The following TM7SF3 variants were observed in gnomAD, a reference collection of about 807,000 sequenced individuals.
TM7SF3 encodes transmembrane 7 superfamily member 3.
TM7SF3 carries 60 observed loss-of-function variants against 65.5 expected under a neutral mutation model. The observed-to-expected ratio is 0.92, with a 90% confidence interval of 0.74 to 1.14. The LOEUF (loss-of-function observed/expected upper bound fraction) is 1.14, where lower values mean the gene tolerates loss of function less well. TM7SF3 is among the 50% of genes most tolerant of loss of function. The pLI is 0.00. For missense variants in TM7SF3, 623 were observed against 684.8 expected (o/e 0.91, Z 1.01); for synonymous variants, 264 against 259.6 (o/e 1.02, Z -0.16).
intron 7 of TM7SF3, among the ~76,000 whole-genome samples, chr12:26,981,437 G>A (rs1022342992): frequency 6.6e-6 from 1 of 151,850 alleles, no homozygotes; most frequent in Non-Finnish European, 1.5e-5. Flanking sequence ...AGGCTGTAGT[G>A]CACTATAATT....
intron 1 of TM7SF3, among the ~76,000 whole-genome samples, chr12:27,005,199 T>A (rs1940983667): frequency 2.0e-5 from 3 of 152,212 alleles, no homozygotes; most frequent in African/African-American, 7.2e-5. Flanking sequence ...CCCACCCGTA[T>A]TGGCAGTATC....
Position 26,979,410 on chromosome 12 carries a change from A to G in TM7SF3, c.1189+374T>C, listed in dbSNP as rs536507647. 104 of 191,508 alleles carry G rather than the reference A, an allele frequency of 5.4e-4. 3 individuals carry two copies. The South Asian group carries it at 0.012, about 22-fold the overall frequency. The allele number at this position is 191,508 out of a possible 1,614,324, so 11.9% of individuals were successfully genotyped here. ...AGGGACACCTGGGGTTTGGCAGCGG[A>G]TGGGAGTGGAGGTTGAGGGTACAAC... On this transcript the variant is annotated intron_variant, in intron 9 of 11. Transcript: ENST00000343028.
chr12:26,985,211 A>G (rs1247965827), intron 6 of TM7SF3, among the ~76,000 whole-genome samples: 2 of 152,148 alleles, frequency 1.3e-5, no homozygotes, highest in Non-Finnish European at 2.9e-5. Flanking sequence ...GGTTAAAAAT[A>G]TATGGCCAGG....
chr12:26,979,654 C>T (rs976839143), intron 9 of TM7SF3, 130 bp downstream of exon 9: 1 of 1,007,092 alleles, frequency 9.9e-7, no homozygotes, highest in Non-Finnish European at 1.5e-6. Flanking sequence ...AGTGTCACAC[C>T]ATCAATGCAG....
At chr12:26,991,036 C>T (rs1411963725) in intron 5 of TM7SF3, among the ~76,000 whole-genome samples, 2 of 151,964 alleles carry the variant, frequency 1.3e-5, no homozygotes, top group Non-Finnish European at 2.9e-5. Context: ...CACAGACTAA[C>T]GCAGACAGTC....
chr12:26,999,481 T>C, intron 3 of TM7SF3, 45 bp downstream of exon 3: 4 of 1,584,154 alleles, frequency 2.5e-6, no homozygotes, highest in Non-Finnish European at 2.6e-6. Context: ...ATGAACACAT[T>C]CCATATTCCA....
intron 6 of TM7SF3, among the ~76,000 whole-genome samples, chr12:26,983,123 T>C (rs373940135): frequency 6.6e-6 from 1 of 151,922 alleles, no homozygotes; most frequent in African/African-American, 2.4e-5. Flanking sequence ...ACACTTCCTA[T>C]GACATATTCC....
chr12:27,004,583 T>A (rs1258045276), intron 1 of TM7SF3, among the ~76,000 whole-genome samples: 1 of 152,062 alleles, frequency 6.6e-6, no homozygotes, highest in Non-Finnish European at 1.5e-5. Flanking sequence ...CTTTTTTTTT[T>A]AATACGAAAG....
At chr12:27,004,204 C>A (rs1283404581) in intron 1 of TM7SF3, among the ~76,000 whole-genome samples, 1 of 152,152 alleles carries the variant, frequency 6.6e-6, no homozygotes, top group South Asian at 2.1e-4. Context: ...ACCAGCTCAT[C>A]TTTTTTCAAT....
At chr12:26,982,898 T>C (rs1398087449) in intron 6 of TM7SF3, 39 bp from the exon 7 acceptor site, 1 of 1,384,316 alleles carries the variant, frequency 7.2e-7, no homozygotes, top group Non-Finnish European at 9.9e-7. Flanking sequence ...ATACATCCAA[T>C]TTGATACTTT....
intron 9 of TM7SF3, chr12:26,977,922 A>G: frequency 3.2e-6 from 1 of 309,378 alleles, no homozygotes; most frequent in Non-Finnish European, 6.4e-6. Context: ...CAACAGTGAG[A>G]CTCTGTCTCT....
chr12:26,980,004 C>T (rs1428212045), intron 8 of TM7SF3, 68 bp from the exon 9 acceptor site: 6 of 1,581,292 alleles, frequency 3.8e-6, no homozygotes, highest in Non-Finnish European at 8.6e-7. Flanking sequence ...CTTAGACATA[C>T]AATACCGTTA....
chr12:26,997,553 A>G (rs1940648418), intron 3 of TM7SF3, among the ~76,000 whole-genome samples: 1 of 152,166 alleles, frequency 6.6e-6, no homozygotes, highest in African/African-American at 2.4e-5. Flanking sequence ...TCAGGTAATT[A>G]GCCTTTTGTT....
intron 1 of TM7SF3, among the ~76,000 whole-genome samples, chr12:27,004,944 T>C (rs1392230544): frequency 1.3e-5 from 2 of 152,200 alleles, no homozygotes; most frequent in African/African-American, 4.8e-5. Flanking sequence ...TATTAAGGAA[T>C]GGCCAATAGA....
chr12:26,992,913 T>A (rs1940435730), intron 5 of TM7SF3, among the ~76,000 whole-genome samples: 1 of 146,382 alleles, frequency 6.8e-6, no homozygotes, highest in Non-Finnish European at 1.5e-5. Context: ...GTCTTTTTTT[T>A]TTTTTTTTTT....
intron 6 of TM7SF3, among the ~76,000 whole-genome samples, chr12:26,989,228 G>A (rs1415307697): frequency 6.6e-6 from 1 of 152,174 alleles, no homozygotes; most frequent in Non-Finnish European, 1.5e-5. Context: ...TTGAGGCCAG[G>A]AGTTTGAGAC....
chr12:26,999,865 A>T (rs1940760177), intron 2 of TM7SF3, 189 bp from the exon 3 acceptor site: 1 of 543,636 alleles, frequency 1.8e-6, no homozygotes, highest in Non-Finnish European at 3.2e-6. Flanking sequence ...TGGAAAAAGC[A>T]TTCTTGAAAA....
Position 27,014,162 on chromosome 12 carries a change from A to G in TM7SF3, c.7T>C (p.Phe3Leu), listed in dbSNP as rs1565474605. ...ACCGCTACGACCAGCAGCTGCAGGAACCCCATTGCTGCCTGGGCCGGGCTG... is the reference window on the plus strand; with the variant it reads ...ACCGCTACGACCAGCAGCTGCAGGAGCCCCATTGCTGCCTGGGCCGGGCTG... The part of the protein sequence containing the change: MG[F>L]LQLLVVAVLA... Residue 3 changes from phenylalanine to leucine, a missense_variant, in exon 1 of 12, where the codon TTC becomes CTC. Phe to Leu is a conservative substitution (Grantham distance 22). Coordinates refer to ENST00000343028, the MANE Select transcript of TM7SF3 (RefSeq NM_016551.3). 6.4e-7 allele frequency: 1 copy of G among 1,559,678 alleles called. No homozygotes were observed. Among genetic ancestry groups the G allele is most frequent in the Non-Finnish European group, 8.7e-7 (1 of 1,151,716 alleles).
chr12:27,002,856 A>G (rs568642284), intron 2 of TM7SF3, among the ~76,000 whole-genome samples: 2 of 152,370 alleles, frequency 1.3e-5, no homozygotes, highest in South Asian at 4.1e-4. Flanking sequence ...GTTCAATACT[A>G]TAGCTAAACA....
Sources: allele counts gnomAD v4.1 joint callset (sites outside exome capture counted in the v4.1 genomes callset), GRCh38; gene constraint gnomAD v4.1.1; transcripts MANE v1.5; gene names NCBI Gene and HGNC (gene_info 2026-07-23, HGNC 2026-07-21).